SOX6: variants seen among roughly 807,000 people sequenced by gnomAD.
SOX6 encodes SRY-box transcription factor 6.
In SOX6, 11 loss-of-function variants were observed where a neutral mutation model predicts 97.8. The ratio of observed to expected loss-of-function variants is 0.11; its 90% confidence interval spans 0.07 to 0.19. The LOEUF (loss-of-function observed/expected upper bound fraction) is 0.19. SOX6 is among the 10% of genes least tolerant of loss of function. SOX6 has a pLI of 1.00. For synonymous variants in SOX6, 360 were observed against 371.4 expected, an observed-to-expected ratio of 0.97 and a Z score of 0.35; for missense variants, 810 against 1,039.5, an observed-to-expected ratio of 0.78 and a Z score of 3.04.
chr11:16,650,042 G>A (rs1383730536), intron 3 of SOX6, among the ~76,000 whole-genome samples: 1 of 152,028 alleles, frequency 6.6e-6, no homozygotes, highest in Non-Finnish European at 1.5e-5. Flanking sequence ...GACAAAGAGG[G>A]ACATTATATA....
chr11:16,494,311 C>G (rs893744682), intron 4 of SOX6, among the ~76,000 whole-genome samples: 1 of 151,986 alleles, frequency 6.6e-6, no homozygotes, highest in Non-Finnish European at 1.5e-5. Flanking sequence ...AGAAGGCGGA[C>G]GTTGCAGTGA....
At chr11:16,382,915 A>G (rs1029357867) in intron 1 of SOX6, among the ~76,000 whole-genome samples, 8 of 151,792 alleles carry the variant, frequency 5.3e-5, no homozygotes, top group Non-Finnish European at 5.9e-5. Context: ...AAGCACCATT[A>G]AAAACAAAAC....
At chr11:16,137,435 A>T (rs1849998380) in intron 6 of SOX6, among the ~76,000 whole-genome samples, 1 of 152,134 alleles carries the variant, frequency 6.6e-6, no homozygotes, top group African/African-American at 2.4e-5. Context: ...CCAATAAATA[A>T]ATAAAATAAA....
chr11:16,137,607 T>C (rs1157559227), intron 6 of SOX6, among the ~76,000 whole-genome samples: 1 of 152,170 alleles, frequency 6.6e-6, no homozygotes, highest in Non-Finnish European at 1.5e-5. Context: ...AATGAGATAA[T>C]AATATTTCTA....
intron 2 of SOX6, among the ~76,000 whole-genome samples, chr11:16,730,666 T>C (rs1440432179): frequency 6.6e-6 from 1 of 152,048 alleles, no homozygotes; most frequent in Non-Finnish European, 1.5e-5. Context: ...ATCAACACCC[T>C]AATATCACAA....
intron 3 of SOX6, among the ~76,000 whole-genome samples, chr11:16,643,332 G>T (rs1012862089): frequency 1.1e-4 from 17 of 152,196 alleles, no homozygotes; most frequent in African/African-American, 4.1e-4. Context: ...CTACTGGGGG[G>T]TGCCTCCCAG....
chr11:16,591,738 T>C (rs1269482506), intron 4 of SOX6, among the ~76,000 whole-genome samples: 1 of 152,112 alleles, frequency 6.6e-6, no homozygotes, highest in African/African-American at 2.4e-5. Context: ...CAAAAACAAC[T>C]AATTGTCATC....
intron 6 of SOX6, among the ~76,000 whole-genome samples, chr11:16,139,470 A>G (rs921841863): frequency 1.3e-5 from 2 of 152,194 alleles, no homozygotes; most frequent in African/African-American, 2.4e-5. Context: ...TCCATGTTCT[A>G]TTCAATAGGA....
chr11:16,135,897 T>G (rs1359240083), intron 6 of SOX6, among the ~76,000 whole-genome samples: 1 of 152,196 alleles, frequency 6.6e-6, no homozygotes, highest in Non-Finnish European at 1.5e-5. Flanking sequence ...AGCACTTTCA[T>G]GGTTGTCTTA....
intron 4 of SOX6, among the ~76,000 whole-genome samples, chr11:16,501,289 C>T (rs12806064): frequency 0.22 from 33,485 of 152,038 alleles, 4,187 homozygotes; most frequent in East Asian, 0.51. Flanking sequence ...CCCTTCCTTA[C>T]ACCTTATATA....
At chr11:16,081,089 T>C (rs746258561) in intron 9 of SOX6, among the ~76,000 whole-genome samples, 1 of 150,910 alleles carries the variant, frequency 6.6e-6, no homozygotes, top group Non-Finnish European at 1.5e-5. Context: ...ATCCCATCTC[T>C]AAAAAAAAAT....
At chr11:16,463,580 G>C (rs1859973152) in intron 1 of SOX6, among the ~76,000 whole-genome samples, 1 of 152,200 alleles carries the variant, frequency 6.6e-6, no homozygotes, top group Non-Finnish European at 1.5e-5. Flanking sequence ...GCACATACAG[G>C]TTCTTAACAC....
chr11:16,007,189 T>C (rs185848295), intron 13 of SOX6, among the ~76,000 whole-genome samples: 8 of 152,250 alleles, frequency 5.3e-5, no homozygotes, highest in Non-Finnish European at 1.0e-4. Context: ...CTAGATGGTA[T>C]AGTCTACTGT....
intron 3 of SOX6, among the ~76,000 whole-genome samples, chr11:16,267,969 A>T (rs1232815523): frequency 6.6e-6 from 1 of 151,494 alleles, no homozygotes; most frequent in East Asian, 1.9e-4. Flanking sequence ...CCACATTTTC[A>T]CTTATATGTG....
chr11:16,101,326 T>C (rs1848941931), intron 7 of SOX6, among the ~76,000 whole-genome samples: 1 of 151,624 alleles, frequency 6.6e-6, no homozygotes, highest in Non-Finnish European at 1.5e-5. Context: ...AAGCTTCAAT[T>C]TGTCCTGAGG....
intron 3 of SOX6, among the ~76,000 whole-genome samples, chr11:16,628,651 A>G (rs998898538): frequency 2.0e-5 from 3 of 152,012 alleles, no homozygotes; most frequent in Non-Finnish European, 1.5e-5. Context: ...AAAAGAAAAG[A>G]AAAATGACAT....
At chr11:16,238,162 A>G (rs1291997666) in intron 3 of SOX6, among the ~76,000 whole-genome samples, 1 of 151,964 alleles carries the variant, frequency 6.6e-6, no homozygotes, top group African/African-American at 2.4e-5. Flanking sequence ...GAGTACTATC[A>G]AAAATCGCGA....
chr11:16,468,944 G>A (rs1268874231), intron 1 of SOX6, among the ~76,000 whole-genome samples: 20 of 152,016 alleles, frequency 1.3e-4, no homozygotes, highest in Admixed American at 1.0e-3. Flanking sequence ...ATGTTCCACC[G>A]CGCATGTTTC....
At chr11:16,099,713 T>A (rs1848893859) in intron 7 of SOX6, among the ~76,000 whole-genome samples, 1 of 151,700 alleles carries the variant, frequency 6.6e-6, no homozygotes, top group Non-Finnish European at 1.5e-5. Flanking sequence ...ATAGCTTTTT[T>A]TTTTTTTTTT....
Sources: gnomAD v4.1 joint callset for allele counts (sites outside exome capture counted in the v4.1 genomes callset) on GRCh38, gnomAD v4.1.1 for gene constraint, MANE v1.5 for transcripts, NCBI Gene and HGNC (gene_info 2026-07-23, HGNC 2026-07-21) for gene names.